CNTLN: variants seen among roughly 807,000 people sequenced by gnomAD.
CNTLN encodes the protein centlein.
CNTLN carries 212 observed loss-of-function variants against 180.0 expected under a neutral mutation model. The ratio of observed to expected loss-of-function variants is 1.18; its 90% CI spans 1.05 to 1.32. The LOEUF (loss-of-function observed/expected upper bound fraction) is 1.32, where lower values mean the gene tolerates loss of function less well. Among genes scored for constraint, CNTLN ranks in the 40% most tolerant of loss-of-function variants. The pLI is 0.00. For synonymous variants in CNTLN, 722 were observed against 563.1 expected, an observed-to-expected ratio of 1.28 and a Z score of -3.99; for missense variants, 2,095 against 1,610.9, an observed-to-expected ratio of 1.30 and a Z score of -5.14.
At chr9:17,472,981 A>G (rs1027163222) in intron 23 of CNTLN, among the ~76,000 whole-genome samples, 1 of 151,974 alleles carries the variant, frequency 6.6e-6, no homozygotes, top group South Asian at 2.1e-4. Flanking sequence ...GTGTTGTATC[A>G]TCGTCACTTT....
chr9:17,484,066 A>T (rs1832778329), intron 23 of CNTLN, among the ~76,000 whole-genome samples: 1 of 152,126 alleles, frequency 6.6e-6, no homozygotes, highest in Non-Finnish European at 1.5e-5. Flanking sequence ...TGAAAGAGGG[A>T]TGGGGGAGCT....
chr9:17,468,554 G>C (rs1273939571), intron 23 of CNTLN, among the ~76,000 whole-genome samples: 2 of 151,434 alleles, frequency 1.3e-5, no homozygotes, highest in African/African-American at 4.8e-5. Flanking sequence ...ATAATTATGA[G>C]ATTTATTCAA....
At chr9:17,148,609 G>A (rs1360678267) in intron 2 of CNTLN, among the ~76,000 whole-genome samples, 2 of 152,140 alleles carry the variant, frequency 1.3e-5, no homozygotes, top group African/African-American at 4.8e-5. Flanking sequence ...TCATTTGAAG[G>A]ACTGAAGTCA....
chr9:17,329,496 T>A (rs1820506173), intron 8 of CNTLN, among the ~76,000 whole-genome samples: 1 of 152,036 alleles, frequency 6.6e-6, no homozygotes. Context: ...AACAGTACAA[T>A]GTAAACAATA....
chr9:17,145,907 G>A (rs1268669499), intron 2 of CNTLN, among the ~76,000 whole-genome samples: 2 of 152,062 alleles, frequency 1.3e-5, no homozygotes, highest in Admixed American at 1.3e-4. Flanking sequence ...AGCTTAGTTG[G>A]CACTTCAGCT....
chr9:17,517,344 A>T, the CNTLN span, among the ~76,000 whole-genome samples: 1 of 151,862 alleles, frequency 6.6e-6, no homozygotes, highest in South Asian at 2.1e-4. Flanking sequence ...GTGAACCAAG[A>T]TTGCACCCCT....
chr9:17,267,586 A>T (rs1190836653), intron 5 of CNTLN, among the ~76,000 whole-genome samples: 1 of 149,460 alleles, frequency 6.7e-6, no homozygotes, highest in African/African-American at 2.6e-5. Context: ...ATGTTGGCCA[A>T]ACTTGCTAGA....
At chr9:17,312,753 G>A (rs911340036) in intron 8 of CNTLN, among the ~76,000 whole-genome samples, 2 of 151,968 alleles carry the variant, frequency 1.3e-5, no homozygotes, top group Non-Finnish European at 2.9e-5. Context: ...TATTGTTTTG[G>A]TGAAAGTACT....
intron 18 of CNTLN, among the ~76,000 whole-genome samples, chr9:17,430,357 A>G (rs1255760550): frequency 6.6e-6 from 1 of 152,010 alleles, no homozygotes; most frequent in Non-Finnish European, 1.5e-5. Flanking sequence ...TATCTTTTAA[A>G]TCATACTATT....
At chr9:17,371,030 A>G (rs1029505941) in intron 13 of CNTLN, among the ~76,000 whole-genome samples, 2 of 152,146 alleles carry the variant, frequency 1.3e-5, no homozygotes, top group African/African-American at 4.8e-5. Flanking sequence ...AATTACCTTC[A>G]CTACAAGGAA....
chr9:17,322,335 T>G (rs565364422), intron 8 of CNTLN, among the ~76,000 whole-genome samples: 2 of 152,242 alleles, frequency 1.3e-5, no homozygotes, highest in South Asian at 4.1e-4. Flanking sequence ...ATAAACTTTT[T>G]TTCTAAAGGC....
downstream of CNTLN, among the ~76,000 whole-genome samples, chr9:17,507,428 A>T (rs2754298): frequency 6.6e-6 from 1 of 151,984 alleles, no homozygotes; most frequent in Non-Finnish European, 1.5e-5. Flanking sequence ...TATCCTTGCT[A>T]TTGTGAAGAA....
At chr9:17,190,677 G>C (rs1821737676) in intron 2 of CNTLN, among the ~76,000 whole-genome samples, 1 of 152,142 alleles carries the variant, frequency 6.6e-6, no homozygotes, top group South Asian at 2.1e-4. Context: ...TTGAAGGTAT[G>C]TGACTTATTT....
chr9:17,516,759 C>T, the CNTLN span, among the ~76,000 whole-genome samples: 1 of 152,142 alleles, frequency 6.6e-6, no homozygotes, highest in South Asian at 2.1e-4. Context: ...CTTTCCATTT[C>T]TGCTGTTTTC....
At chr9:17,405,029 C>T (rs58945647) in intron 15 of CNTLN, among the ~76,000 whole-genome samples, 4,425 of 151,754 alleles carry the variant, frequency 0.029, 297 homozygotes, top group East Asian at 0.25. Flanking sequence ...TGAGCCACCG[C>T]GCCCAGCCTA....
intron 5 of CNTLN, among the ~76,000 whole-genome samples, chr9:17,245,223 T>C (rs1016327403): frequency 6.6e-6 from 1 of 152,164 alleles, no homozygotes; most frequent in Non-Finnish European, 1.5e-5. Context: ...TAGCGTTCCT[T>C]GTAGGACAGA....
intron 25 of CNTLN, 26 bp from the exon 26 acceptor site, chr9:17,502,525 T>C: frequency 1.9e-6 from 2 of 1,063,408 alleles, no homozygotes. Flanking sequence ...AGAGTTTTAA[T>C]AATCTTTTTT....
rs1825097559 is a variant in CNTLN, at chr9:17,235,654, A to G, written c.535-4A>G. 6.4e-7 allele frequency: 1 copy of G among 1,563,142 alleles called. No homozygotes were observed. Among genetic ancestry groups the G allele is most frequent in the Admixed American group, 2.2e-5 (1 of 46,426 alleles). ...TCACCAGTAATTTAAATTTTTTTCCACAGAGAGAGTCAGTACTGAAACAGG... is the reference window on the plus strand; with the variant it reads ...TCACCAGTAATTTAAATTTTTTTCCGCAGAGAGAGTCAGTACTGAAACAGG... On this transcript the variant is annotated splice_polypyrimidine_tract_variant and splice_region_variant and intron_variant, in intron 3 of 25. Transcript: ENST00000380647.
intron 2 of CNTLN, among the ~76,000 whole-genome samples, chr9:17,207,146 G>T (rs1822981818): frequency 6.6e-6 from 1 of 152,210 alleles, no homozygotes; most frequent in Non-Finnish European, 1.5e-5. Flanking sequence ...GAGTATAAAT[G>T]TGTGTCTCTA....
Sources: gnomAD v4.1 joint callset for allele counts (sites outside exome capture counted in the v4.1 genomes callset) on GRCh38, gnomAD v4.1.1 for gene constraint, MANE v1.5 for transcripts, NCBI Gene and HGNC (gene_info 2026-07-23, HGNC 2026-07-21) for gene names.